Variants in PEX5L observed in about 807,000 individuals in gnomAD.
The protein encoded by PEX5L is peroxisomal biogenesis factor 5 like, also known as PEX5-related protein.
PEX5L carries 30 observed loss-of-function variants against 84.0 expected under a neutral mutation model. The observed-to-expected ratio is 0.36, with a 90% CI of 0.27 to 0.48. PEX5L has a LOEUF of 0.48. PEX5L is among the 20% of genes least tolerant of loss of function. The pLI is 0.99. For synonymous variants in PEX5L, 270 were observed against 283.1 expected, an observed-to-expected ratio of 0.95 and a Z score of 0.46; for missense variants, 533 against 754.6, an observed-to-expected ratio of 0.71 and a Z score of 3.44.
rs539451720 is a variant in PEX5L at position 179,879,393 on chromosome 3, G to T, written c.505+536C>A. ...GCAAATTGCTTAAATTTTGAAACTT[G>T]GTTCCTCAGATGTTTCAAAGAGTTG... On this transcript the variant is annotated intron_variant, in intron 5 of 14. Coordinates refer to ENST00000467460, the MANE Select transcript of PEX5L (RefSeq NM_016559.3). Among the ~76,000 whole-genome samples, 12 of 152,198 alleles carry T rather than the reference G, an allele frequency of 7.9e-5. No individual in the cohort carries two copies. The East Asian group carries it at 2.3e-3, about 29-fold the overall frequency.
At chr3:180,011,642 T>C (rs1789498723) in intron 1 of PEX5L, among the ~76,000 whole-genome samples, 2 of 152,148 alleles carry the variant, frequency 1.3e-5, no homozygotes, top group African/African-American at 2.4e-5. Flanking sequence ...GTAAATAAAA[T>C]AGAATCTTTA....
rs920813602 is a variant in PEX5L at position 179,798,150 on chromosome 3, T to C, written c.*3678A>G. ...GGGTCCCACGTTCAATATAATAGTA[T>C]CTTAAAGAGAAGAATGAGGAAAGTG... On this transcript the variant is annotated 3_prime_UTR_variant, in exon 15 of 15. Transcript: ENST00000467460. The C allele has an allele frequency of 6.6e-6, 1 of 152,212 alleles. No individual in the cohort carries two copies. The highest frequency in any genetic ancestry group is 6.5e-5 in the Admixed American group (1 of 15,282). 9.4% of individuals were successfully genotyped at this position (152,212 alleles called of 1,614,324 possible).
chr3:179,879,641 A>G (rs1171574579), intron 5 of PEX5L, among the ~76,000 whole-genome samples: 1 of 152,302 alleles, frequency 6.6e-6, no homozygotes, highest in Middle Eastern at 3.4e-3. Context: ...CAAGATGCAC[A>G]TTTTATCTTT....
intron 1 of PEX5L, among the ~76,000 whole-genome samples, chr3:180,030,519 C>A (rs976175965): frequency 6.6e-6 from 1 of 152,206 alleles, no homozygotes; most frequent in African/African-American, 2.4e-5. Context: ...TCATCATGGT[C>A]TCCTTGAGTC....
Position 179,806,585 on chromosome 3 carries a change from A to G in PEX5L, c.1676+1089T>C, listed in dbSNP as rs550123098. 3.3e-5 allele frequency among the ~76,000 whole-genome samples: 5 copies of G among 152,374 alleles called. No individual in the cohort carries two copies. The East Asian group carries it at 7.7e-4, about 23-fold the overall frequency. ...AGAAGCAGTCATTCTTTAGATGTCA[A>G]AAGAGTGAAATCTAGTTATACAGTT... On this transcript the variant is annotated intron_variant, in intron 14 of 14. Coordinates refer to ENST00000467460, the MANE Select transcript of PEX5L (RefSeq NM_016559.3).
At chr3:179,881,654 G>A (rs1754201522) in intron 4 of PEX5L, 1 of 152,104 alleles carries the variant, frequency 6.6e-6, no homozygotes, top group Non-Finnish European at 1.5e-5. Flanking sequence ...TGTTGTTGAT[G>A]TTCTCCTATT....
intron 8 of PEX5L, among the ~76,000 whole-genome samples, chr3:179,838,159 C>G (rs1469025386): frequency 2.0e-5 from 3 of 152,038 alleles, no homozygotes; most frequent in Non-Finnish European, 2.9e-5. Context: ...AATTTCTGGC[C>G]TTTTAGTGGC....
intron 10 of PEX5L, among the ~76,000 whole-genome samples, chr3:179,812,569 A>T (rs1724300940): frequency 1.3e-5 from 2 of 151,954 alleles, no homozygotes. Context: ...CAATTCCCTT[A>T]TTGCTTTAAG....
At chr3:179,965,493 G>A (rs764254759) in intron 2 of PEX5L, among the ~76,000 whole-genome samples, 1 of 152,174 alleles carries the variant, frequency 6.6e-6, no homozygotes, top group African/African-American at 2.4e-5. Flanking sequence ...AAGCGGCAGG[G>A]CCAGACTAGG....
In PEX5L at chr3:179,796,337, A is replaced by T. The variant is rs1289473365; in HGVS notation, c.*5491T>A. 6.6e-6 allele frequency: 1 copy of T among 152,212 alleles called. No homozygotes were observed. The highest frequency in any genetic ancestry group is 1.5e-5 in the Non-Finnish European group (1 of 68,024). The allele number at this position is 152,212 out of a possible 1,614,324, so 9.4% of individuals were successfully genotyped here. A position where few individuals can be genotyped will look rare whatever the true frequency, so the allele number is the denominator to read the frequency against. On this transcript the variant is annotated 3_prime_UTR_variant, in exon 15 of 15. Transcript: ENST00000467460. ...GGGTTTTGCTCTGACATTCTGCAGC[A>T]TTGCAAGTTAGTTTTCTCTTATAGA...
Position 179,874,438 on chromosome 3 carries a change from T to C in PEX5L, c.630-15A>G. The C allele has an allele frequency of 2.9e-6, 4 of 1,397,036 alleles. No individual in the cohort carries two copies. Among genetic ancestry groups the C allele is most frequent in the East Asian group, 2.4e-5 (1 of 41,634 alleles). The allele number at this position is 1,397,036 out of a possible 1,614,324, so 86.5% of individuals were successfully genotyped here. A position where few individuals can be genotyped will look rare whatever the true frequency, so the allele number is the denominator to read the frequency against. ...GTTCTGAGGACCTATAAGGGATGCATTAAGGAAATTAAACGTACACTAGAA... is the reference window on the plus strand; with the variant it reads ...GTTCTGAGGACCTATAAGGGATGCACTAAGGAAATTAAACGTACACTAGAA... On this transcript the variant is annotated splice_polypyrimidine_tract_variant and intron_variant, in intron 6 of 14. Transcript: ENST00000467460.
At chr3:180,024,373 T>TATATATATATATATATATATATATAG (rs1396023654) in intron 1 of PEX5L, among the ~76,000 whole-genome samples, 1 of 79,026 alleles carries the variant, frequency 1.3e-5, no homozygotes, top group Non-Finnish European at 2.3e-5. Flanking sequence ...TATATATATA[T>TATATATATATATATATATATATATAG]ACACACACAA....
chr3:179,906,266 T>A (rs1313495766), intron 2 of PEX5L, among the ~76,000 whole-genome samples: 1 of 152,230 alleles, frequency 6.6e-6, no homozygotes, highest in Non-Finnish European at 1.5e-5. Context: ...TTCCAAGCAA[T>A]CTTACCACAA....
intron 14 of PEX5L, chr3:179,804,013 G>A (rs923341528): frequency 1.3e-5 from 2 of 152,152 alleles, no homozygotes; most frequent in African/African-American, 2.4e-5. Flanking sequence ...ATGTCTCCCA[G>A]TTTTCTCTCA....
intron 1 of PEX5L, among the ~76,000 whole-genome samples, chr3:180,031,021 AC>A (rs1329106882): frequency 1.3e-5 from 2 of 151,996 alleles, no homozygotes; most frequent in Non-Finnish European, 2.9e-5. Flanking sequence ...TGTCTAAAAA[AC>A]AATCCAAAAG....
chr3:179,848,123 A>G (rs940568851), intron 8 of PEX5L, among the ~76,000 whole-genome samples: 1 of 152,182 alleles, frequency 6.6e-6, no homozygotes, highest in Admixed American at 6.5e-5. Flanking sequence ...TCAATAAACA[A>G]CGAGTAACAG....
intron 2 of PEX5L, among the ~76,000 whole-genome samples, chr3:179,950,151 T>C (rs995310858): frequency 6.6e-6 from 1 of 152,192 alleles, no homozygotes; most frequent in Non-Finnish European, 1.5e-5. Context: ...GATGATCAGG[T>C]CAGCTTTTAG....
intron 2 of PEX5L, among the ~76,000 whole-genome samples, chr3:179,928,433 G>C (rs990648335): frequency 1.3e-5 from 2 of 152,194 alleles, no homozygotes; most frequent in African/African-American, 4.8e-5. Context: ...TGGGGACTGA[G>C]AGAGTGCTAG....
rs550504019 is a variant in PEX5L, at chr3:179,836,240, G to A, written c.823-16264C>T. Among the ~76,000 whole-genome samples the A allele has an allele frequency of 1.4e-3, 219 of 152,234 alleles. 2 individuals carry two copies. Among genetic ancestry groups the A allele is most frequent in the African/African-American group, 5.1e-3 (212 of 41,542 alleles). ...GCCTACTTCACAGGATAGTCAGGAG[G>A]AGCACATTTTATAACACTTATAAAA... On this transcript the variant is annotated intron_variant, in intron 8 of 14. Coordinates refer to ENST00000467460, the MANE Select transcript of PEX5L (RefSeq NM_016559.3).
Sources: gnomAD v4.1 joint callset for allele counts (sites outside exome capture counted in the v4.1 genomes callset) on GRCh38, gnomAD v4.1.1 for gene constraint, MANE v1.5 for transcripts, NCBI Gene and HGNC (gene_info 2026-07-23, HGNC 2026-07-21) for gene names.